ABI3BP: variants seen among roughly 807,000 people sequenced by gnomAD.
ABI3BP encodes target of Nesh-SH3.
ABI3BP carries 216 observed loss-of-function variants against 268.6 expected under a neutral mutation model. The observed-to-expected ratio is 0.80, with a 90% CI of 0.72 to 0.90. ABI3BP has a LOEUF of 0.90. Ranked by LOEUF, ABI3BP falls within the 40% of genes least tolerant of loss-of-function variation. The probability of loss-of-function intolerance (pLI) is 0.00; values close to 1 mark genes in which losing one functional copy is unlikely to be tolerated. For missense variants in ABI3BP, 2,090 were observed against 2,182.4 expected (o/e 0.96, Z 0.84); for synonymous variants, 730 against 730.0 (o/e 1.00, Z 0.00).
intron 1 of ABI3BP, among the ~76,000 whole-genome samples, chr3:100,980,121 T>C (rs1184819455): frequency 2.0e-5 from 3 of 152,238 alleles, no homozygotes; most frequent in African/African-American, 7.2e-5. Flanking sequence ...GCAAGTAGGT[T>C]ATTATACATT....
chr3:100,862,312 A>C lies in ABI3BP; in HGVS notation c.1284T>G (p.Thr428=). ...SEDSKVLQPQ[T]ATYDVFSSPT... Reference sequence around the variant, plus strand: ...TTTTTAAGAAAAGGATTTAATTACCAGTTTGAGGCTGCAGAACTTTGGAAT... The same window carrying C: ...TTTTTAAGAAAAGGATTTAATTACCCGTTTGAGGCTGCAGAACTTTGGAAT... Residue 428 remains threonine, a splice_region_variant and synonymous_variant, in exon 14 of 68, where the codon ACT becomes ACG. Coordinates refer to ENST00000471714, the MANE Select transcript of ABI3BP (RefSeq NM_001375547.2). 1 of 1,589,508 alleles carries C rather than the reference A, an allele frequency of 6.3e-7. No homozygotes were observed. Among genetic ancestry groups the C allele is most frequent in the East Asian group, 2.2e-5 (1 of 44,652 alleles).
Position 100,847,789 on chromosome 3 carries a change from A to G in ABI3BP, c.1577-116T>C, listed in dbSNP as rs2098789689. 6 of 817,968 alleles carry G rather than the reference A, an allele frequency of 7.3e-6. No homozygotes were observed. In the Admixed American group the frequency reaches 1.2e-4, roughly 17 times the overall value. The allele number at this position is 817,968 out of a possible 1,614,324, so 50.7% of individuals were successfully genotyped here. A position where few individuals can be genotyped will look rare whatever the true frequency, so the allele number is the denominator to read the frequency against. Reference sequence around the variant, plus strand: ...CTGCCATATTTAGTAGTCAAAGTATACAATGAGTAAAAGTTTTGAGGAAGA... The same window carrying G: ...CTGCCATATTTAGTAGTCAAAGTATGCAATGAGTAAAAGTTTTGAGGAAGA... On this transcript the variant is annotated intron_variant, in intron 18 of 67. Transcript: ENST00000471714.
At chr3:100,912,160 C>T in intron 2 of ABI3BP, 1 of 404,856 alleles carries the variant, frequency 2.5e-6, no homozygotes, top group Non-Finnish European at 4.5e-6. Context: ...CCCAAGAACA[C>T]CTGCTCTTAC....
At chr3:100,984,383 T>C (rs1158143159) in intron 1 of ABI3BP, among the ~76,000 whole-genome samples, 1 of 152,228 alleles carries the variant, frequency 6.6e-6, no homozygotes, top group African/African-American at 2.4e-5. Context: ...CTCAATTTTC[T>C]CTAAAATTAA....
chr3:100,961,568 A>T (rs1259740848), intron 1 of ABI3BP, among the ~76,000 whole-genome samples: 1 of 152,232 alleles, frequency 6.6e-6, no homozygotes, highest in Non-Finnish European at 1.5e-5. Context: ...AGCTACATCA[A>T]GTTATGAACC....
At chr3:100,910,460 G>A (rs2713782) in intron 2 of ABI3BP, among the ~76,000 whole-genome samples, 127,980 of 151,878 alleles carry the variant, frequency 0.84, 54,098 homozygotes, top group East Asian at 1. Flanking sequence ...TAATGACTTC[G>A]ATAAAAAGTA....
chr3:100,958,011 G>A (rs868244756), intron 1 of ABI3BP, among the ~76,000 whole-genome samples: 5 of 151,996 alleles, frequency 3.3e-5, no homozygotes, highest in South Asian at 4.2e-4. Flanking sequence ...TAAGAGAAAA[G>A]ACAATGGAGT....
At chr3:100,763,320 G>A (rs763854707) in intron 63 of ABI3BP, among the ~76,000 whole-genome samples, 4 of 152,022 alleles carry the variant, frequency 2.6e-5, no homozygotes, top group Admixed American at 1.3e-4. Context: ...AAAAGTAGCC[G>A]GGTGTGGTGG....
chr3:100,763,478 GAAAA>G (rs368689366), intron 63 of ABI3BP, among the ~76,000 whole-genome samples: 249 of 149,168 alleles, frequency 1.7e-3, no homozygotes, highest in Non-Finnish European at 3.0e-3. Context: ...AAAAAAAAAA[GAAAA>G]AAGAAAAAAT....
At chr3:100,824,740 TTATGCCCTC>T in intron 36 of ABI3BP, 109 bp downstream of exon 36, 1 of 780,338 alleles carries the variant, frequency 1.3e-6, no homozygotes. Context: ...TGATGATGCC[TTATGCCCTC>T]GTGCTTAGGG....
chr3:100,802,451 A>G (rs1256212951), intron 51 of ABI3BP, among the ~76,000 whole-genome samples: 1 of 152,216 alleles, frequency 6.6e-6, no homozygotes, highest in African/African-American at 2.4e-5. Context: ...CTGAATTCTA[A>G]ATCATTCTTC....
At chr3:100,988,339 A>G (rs776424997) in intron 1 of ABI3BP, among the ~76,000 whole-genome samples, 3 of 152,124 alleles carry the variant, frequency 2.0e-5, no homozygotes, top group Non-Finnish European at 4.4e-5. Context: ...CCTCTTTGTA[A>G]TCAATCATGA....
rs534759660 is a variant in ABI3BP at position 100,892,233 on chromosome 3, C to A, written c.462-5910G>T. Among the ~76,000 whole-genome samples the A allele has an allele frequency of 1.1e-4, 16 of 152,194 alleles. No homozygotes were observed. In the South Asian group the frequency reaches 1.7e-3, roughly 16 times the overall value. ...ATTACCAGCGTGGAAGAATAAGTCA[C>A]AGAGAAACTGGAGGGAGGCATCTCA... On this transcript the variant is annotated intron_variant, in intron 4 of 67. Coordinates refer to ENST00000471714, the MANE Select transcript of ABI3BP (RefSeq NM_001375547.2).
chr3:100,841,194 C>CTTTTTTTTTTTT lies in ABI3BP; in HGVS notation c.1766-348_1766-337dup, dbSNP rs60261694. ...AATTGGCTAAGATGGCATTAGAACA[C>CTTTTTTTTTTTT]TTTTTTTTTTTTTTTTTTTTTTTTT... On this transcript the variant is annotated intron_variant, in intron 21 of 67. Transcript: ENST00000471714. Among the ~76,000 whole-genome samples, 62 of 39,626 alleles carry CTTTTTTTTTTTT rather than the reference C, an allele frequency of 1.6e-3. 6 individuals carry two copies. Among genetic ancestry groups the CTTTTTTTTTTTT allele is most frequent in the African/African-American group, 2.2e-3 (20 of 9,276 alleles). The allele number at this position is 39,626 out of a possible 152,430, so 26.0% of individuals were successfully genotyped here.
chr3:100,779,199 C>T (rs1160336938), intron 58 of ABI3BP, among the ~76,000 whole-genome samples: 4 of 152,192 alleles, frequency 2.6e-5, no homozygotes, highest in African/African-American at 9.6e-5. Context: ...ACCCTGATAG[C>T]TGAAACAAGT....
intron 49 of ABI3BP, 29 bp from the exon 50 acceptor site, chr3:100,808,264 C>A (rs757943270): frequency 1.3e-6 from 2 of 1,555,502 alleles, no homozygotes; most frequent in Non-Finnish European, 1.7e-6. Context: ...GTTCGGAAAT[C>A]TTGAGCCCTT....
intron 6 of ABI3BP, among the ~76,000 whole-genome samples, chr3:100,877,660 C>A (rs1473115180): frequency 1.3e-5 from 2 of 152,118 alleles, no homozygotes; most frequent in Admixed American, 6.5e-5. Flanking sequence ...AGGAGAAGGG[C>A]AGAAAATTAT....
chr3:100,846,534 A>G, intron 19 of ABI3BP, 88 bp from the exon 20 acceptor site: 4 of 896,202 alleles, frequency 4.5e-6, no homozygotes, highest in South Asian at 1.7e-5. Flanking sequence ...CTAGAAATAA[A>G]CTATACATTA....
chr3:100,840,664 CCT>C (rs2098681234), intron 22 of ABI3BP, among the ~76,000 whole-genome samples, 154 bp downstream of exon 22: 1 of 151,896 alleles, frequency 6.6e-6, no homozygotes, highest in Admixed American at 6.6e-5. Context: ...ATAAACTATA[CCT>C]ATAGGAATTA....
Sources: allele counts gnomAD v4.1 joint callset (sites outside exome capture counted in the v4.1 genomes callset), GRCh38; gene constraint gnomAD v4.1.1; transcripts MANE v1.5; gene names NCBI Gene and HGNC (gene_info 2026-07-23, HGNC 2026-07-21).